Variants in PTPRK observed in about 807,000 individuals in gnomAD.
PTPRK encodes protein tyrosine phosphatase receptor type K.
In PTPRK, 75 loss-of-function variants were observed where a neutral mutation model predicts 178.0. That is an observed-to-expected ratio of 0.42 (90% CI 0.35 to 0.51). The LOEUF (loss-of-function observed/expected upper bound fraction) is 0.51. Ranked by LOEUF, PTPRK falls within the 20% of genes least tolerant of loss-of-function variation. The probability of loss-of-function intolerance (pLI) is 0.02; values close to 1 mark genes in which losing one functional copy is unlikely to be tolerated. For synonymous variants in PTPRK, 637 were observed against 620.6 expected (o/e 1.03, Z -0.39); for missense variants, 1,441 against 1,797.8 (o/e 0.80, Z 3.59).
At chr6:128,167,759 T>C (rs956524394) in intron 7 of PTPRK, among the ~76,000 whole-genome samples, 1 of 151,850 alleles carries the variant, frequency 6.6e-6, no homozygotes, top group Non-Finnish European at 1.5e-5. Flanking sequence ...AATTACCACA[T>C]GTTGTATTTA....
intron 1 of PTPRK, among the ~76,000 whole-genome samples, chr6:128,506,682 A>AAAAAAAG (rs1554284970): frequency 6.8e-6 from 1 of 146,208 alleles, no homozygotes; most frequent in African/African-American, 2.6e-5. Flanking sequence ...AAAAAAAAAA[A>AAAAAAAG]TTATTATAAG....
chr6:128,220,305 A>G (rs940846123), intron 5 of PTPRK, among the ~76,000 whole-genome samples: 2 of 152,184 alleles, frequency 1.3e-5, no homozygotes, highest in African/African-American at 4.8e-5. Flanking sequence ...ATAGGGTATA[A>G]AAAAGAGAAA....
chr6:128,267,018 A>G (rs1819061924), intron 3 of PTPRK, among the ~76,000 whole-genome samples: 1 of 152,198 alleles, frequency 6.6e-6, no homozygotes, highest in Admixed American at 6.6e-5. Context: ...TTAATCTCAT[A>G]AAAATCTTAT....
chr6:128,251,775 T>TACTATTTATAATGTTACC (rs1816497779), intron 3 of PTPRK, among the ~76,000 whole-genome samples: 1 of 152,240 alleles, frequency 6.6e-6, no homozygotes, highest in African/African-American at 2.4e-5. Flanking sequence ...AGAATGTTAA[T>TACTATTTATAATGTTACC]ACTATTTATA....
At chr6:128,100,318 T>C (rs1476314204) in intron 7 of PTPRK, among the ~76,000 whole-genome samples, 14 of 152,024 alleles carry the variant, frequency 9.2e-5, no homozygotes, top group Admixed American at 9.2e-4. Context: ...GATAATGGAA[T>C]GAAGACAAAT....
chr6:128,487,373 C>T (rs1853096269), intron 1 of PTPRK, among the ~76,000 whole-genome samples: 1 of 151,330 alleles, frequency 6.6e-6, no homozygotes, highest in South Asian at 2.1e-4. Context: ...GCCTCAAAAA[C>T]AGCCTCAGAA....
At chr6:128,490,050 T>C (rs1172998965) in intron 1 of PTPRK, among the ~76,000 whole-genome samples, 1 of 152,252 alleles carries the variant, frequency 6.6e-6, no homozygotes, top group African/African-American at 2.4e-5. Flanking sequence ...AATTAAAAAG[T>C]ACTCAATTCA....
At chr6:128,505,005 G>A (rs755300530) in intron 1 of PTPRK, among the ~76,000 whole-genome samples, 1 of 151,866 alleles carries the variant, frequency 6.6e-6, no homozygotes, top group Non-Finnish European at 1.5e-5. Flanking sequence ...TTTAAATTTA[G>A]ATGTGCCATA....
chr6:128,103,040 C>T (rs2114277263), intron 7 of PTPRK, among the ~76,000 whole-genome samples: 1 of 152,230 alleles, frequency 6.6e-6, no homozygotes, highest in South Asian at 2.1e-4. Context: ...GCCATGCTGC[C>T]CTATCCTCTT....
chr6:128,404,556 G>A (rs1167621894), intron 1 of PTPRK, among the ~76,000 whole-genome samples: 1 of 152,154 alleles, frequency 6.6e-6, no homozygotes, highest in Non-Finnish European at 1.5e-5. Flanking sequence ...TGTAGCAGGG[G>A]ATCCCGAAGT....
At chr6:128,336,590 A>G (rs1830968934) in intron 2 of PTPRK, among the ~76,000 whole-genome samples, 1 of 152,304 alleles carries the variant, frequency 6.6e-6, no homozygotes, top group East Asian at 1.9e-4. Context: ...TAACATTCAT[A>G]AGCTAAATGG....
chr6:127,995,210 T>C (rs1340770887), intron 18 of PTPRK: 2 of 1,549,740 alleles, frequency 1.3e-6, no homozygotes, highest in Non-Finnish European at 1.8e-6. Flanking sequence ...TGTTTGTATT[T>C]ATAATAGGGT....
At chr6:128,499,540 C>T (rs986207981) in intron 1 of PTPRK, among the ~76,000 whole-genome samples, 1 of 152,216 alleles carries the variant, frequency 6.6e-6, no homozygotes, top group African/African-American at 2.4e-5. Context: ...TACGCAAACT[C>T]TATGCTCTTT....
intron 13 of PTPRK, among the ~76,000 whole-genome samples, chr6:128,051,541 A>G (rs1778997001): frequency 6.6e-6 from 1 of 152,068 alleles, no homozygotes; most frequent in Non-Finnish European, 1.5e-5. Context: ...AATATTAACT[A>G]TCGTTTATAA....
intron 13 of PTPRK, among the ~76,000 whole-genome samples, chr6:128,029,368 C>T (rs575660997): frequency 4.6e-5 from 7 of 152,070 alleles, no homozygotes; most frequent in African/African-American, 1.7e-4. Flanking sequence ...TATAAACTAC[C>T]CAGTCTCTGA....
intron 7 of PTPRK, among the ~76,000 whole-genome samples, chr6:128,107,965 C>T (rs1187069429): frequency 6.6e-6 from 1 of 152,058 alleles, no homozygotes; most frequent in African/African-American, 2.4e-5. Context: ...ACCATCTCAT[C>T]ATTGCAATTT....
At position 128,322,132 on chromosome 6, in the gene PTPRK, A is replaced by AT; in HGVS notation, c.401_402insA (p.Ala135CysfsTer13). The AT allele has an allele frequency of 1.2e-6, 2 of 1,613,964 alleles. No individual in the cohort carries two copies. Among genetic ancestry groups the AT allele is most frequent in the Non-Finnish European group, 1.7e-6 (2 of 1,179,902 alleles). On this transcript the variant is annotated frameshift_variant, in exon 3 of 30. Coordinates refer to ENST00000368226, the MANE Select transcript of PTPRK (RefSeq NM_002844.4). LOFTEE classifies it high-confidence loss of function. ...CAGTCACATTCCAAATTGGATTGGC[A>AT]AGAGGTCCTTTATTCACCCTAACTA...
chr6:128,402,779 G>A (rs566080532), intron 1 of PTPRK, among the ~76,000 whole-genome samples: 1 of 152,268 alleles, frequency 6.6e-6, no homozygotes, highest in East Asian at 1.9e-4. Flanking sequence ...ATTCCAAGTA[G>A]ATACAAGTAA....
intron 6 of PTPRK, among the ~76,000 whole-genome samples, chr6:128,211,248 C>T (rs1808105864): frequency 6.6e-6 from 1 of 152,132 alleles, no homozygotes. Flanking sequence ...AGCTCTCCGT[C>T]CCCAAATTCT....
Sources: gnomAD v4.1 joint callset for allele counts (sites outside exome capture counted in the v4.1 genomes callset) on GRCh38, gnomAD v4.1.1 for gene constraint, MANE v1.5 for transcripts, NCBI Gene and HGNC (gene_info 2026-07-23, HGNC 2026-07-21) for gene names.